Variants in CCDC88A observed in about 807,000 individuals in gnomAD.
The protein encoded by CCDC88A is girdin.
A neutral mutation model predicts 234.3 loss-of-function variants in CCDC88A; 54 were observed. The observed-to-expected ratio is 0.23, with a 90% CI of 0.19 to 0.29. The LOEUF is 0.29. Ranked by LOEUF, CCDC88A falls within the 10% of genes least tolerant of loss-of-function variation. The pLI, the probability that CCDC88A is intolerant of heterozygous loss-of-function variation, is 1.00. For synonymous variants in CCDC88A, 753 were observed against 737.8 expected (o/e 1.02, Z -0.33); for missense variants, 1,832 against 2,123.4 (o/e 0.86, Z 2.70).
In CCDC88A at chr2:55,297,340, T is replaced by TTATATATTATATAATATATATAA. The variant is rs1680221453; in HGVS notation, c.4826-818_4826-817insTTATATATATTATATAATATATA. Among the ~76,000 whole-genome samples the TTATATATTATATAATATATATAA allele has an allele frequency of 5.4e-5, 2 of 36,862 alleles. 1 individual carries two copies. Among genetic ancestry groups the TTATATATTATATAATATATATAA allele is most frequent in the Non-Finnish European group, 9.5e-5 (2 of 21,052 alleles). 24.2% of individuals were successfully genotyped at this position (36,862 alleles called of 152,430 possible). ...AATATATAATATATAATATATAAATTTATATATTATATATAAATATATATA... is the reference window on the plus strand; with the variant it reads ...AATATATAATATATAATATATAAATTTATATATTATATAATATATATAATATATATTATATATAAATATATATA... On this transcript the variant is annotated intron_variant, in intron 29 of 32. Transcript: ENST00000436346.
chr2:55,324,630 A>T (rs943593726), intron 17 of CCDC88A, among the ~76,000 whole-genome samples: 1 of 151,992 alleles, frequency 6.6e-6, no homozygotes, highest in Admixed American at 6.6e-5. Context: ...AGTAAAGAGA[A>T]GTAGCATTAT....
intron 2 of CCDC88A, chr2:55,397,311 T>G (rs530461429): frequency 1.3e-5 from 2 of 152,172 alleles, no homozygotes; most frequent in Non-Finnish European, 2.9e-5. Flanking sequence ...ACCAGGCTGG[T>G]CTCGAACTCC....
chr2:55,381,611 T>C (rs1378915488), intron 3 of CCDC88A, among the ~76,000 whole-genome samples: 1 of 152,054 alleles, frequency 6.6e-6, no homozygotes, highest in Non-Finnish European at 1.5e-5. Context: ...TACAAATTTT[T>C]GTGAGTTAAA....
In CCDC88A at chr2:55,369,490, C is replaced by G. The variant is rs532572850; in HGVS notation, c.402+2962G>C. ...TTTTTGAGATGAAGTCTTGCTCTGT[C>G]GCCCAGGCTAGAGTGCAGTGGAGCC... On this transcript the variant is annotated intron_variant, in intron 5 of 32. Coordinates refer to ENST00000436346, the MANE Select transcript of CCDC88A (RefSeq NM_001365480.1). Among the ~76,000 whole-genome samples the G allele has an allele frequency of 4.1e-5, 6 of 145,974 alleles. No individual in the cohort carries two copies. In the East Asian group the frequency reaches 1.2e-3, roughly 29 times the overall value.
chr2:55,340,989 C>T (rs1186852149), intron 12 of CCDC88A, among the ~76,000 whole-genome samples: 1 of 152,064 alleles, frequency 6.6e-6, no homozygotes, highest in African/African-American at 2.4e-5. Flanking sequence ...TGGTAACAAC[C>T]ATTTTATTCT....
At chr2:55,292,028 A>T (rs1679497661) in intron 31 of CCDC88A, 1 of 318,014 alleles carries the variant, frequency 3.1e-6, no homozygotes, top group African/African-American at 2.2e-5. Context: ...TCTTAGTGCC[A>T]GATAGCCTTA....
Position 55,309,990 on chromosome 2 carries a change from A to C in CCDC88A, c.4080-736T>G, listed in dbSNP as rs2920974. 0.52 allele frequency among the ~76,000 whole-genome samples: 78,688 copies of C among 151,990 alleles called. 21,594 individuals are homozygous for C. Among genetic ancestry groups the C allele is most frequent in the Admixed American group, 0.63 (9,567 of 15,254 alleles). On this transcript the variant is annotated intron_variant, in intron 23 of 32. Coordinates refer to ENST00000436346, the MANE Select transcript of CCDC88A (RefSeq NM_001365480.1). This position sits in a 1 kb window ranked among gnomAD's most constrained non-coding sequence, Gnocchi z 5.1. ...ACTGTGCAAGTACAACAGGAAGGTA[A>C]ATATATCCATCTTAGATCACGAAAT...
At chr2:55,376,954 C>A (rs1353701289) in intron 3 of CCDC88A, among the ~76,000 whole-genome samples, 2 of 152,090 alleles carry the variant, frequency 1.3e-5, no homozygotes, top group African/African-American at 4.8e-5. Flanking sequence ...CCTCAGCGTC[C>A]CGAGTAGCTG....
In CCDC88A at chr2:55,328,485, T is replaced by C; in HGVS notation, c.2856-50A>G. 7.6e-7 allele frequency: 1 copy of C among 1,309,034 alleles called. No homozygotes were observed. The highest frequency in any genetic ancestry group is 1.0e-6 in the Non-Finnish European group (1 of 972,960). The allele number at this position is 1,309,034 out of a possible 1,614,324, so 81.1% of individuals were successfully genotyped here. On this transcript the variant is annotated intron_variant, in intron 16 of 32. Transcript: ENST00000436346. The surrounding 1 kb of genome is among the most constrained non-coding windows in gnomAD (Gnocchi z 4.3). ...TTCATTATTGGAGGTCAGAAAATTA[T>C]TTTTAAAGATAATTTATGACCACAA...
At chr2:55,362,076 C>G (rs1671391286) in intron 7 of CCDC88A, 1 of 333,622 alleles carries the variant, frequency 3.0e-6, no homozygotes, top group East Asian at 4.9e-5. Context: ...GGAAGAAAAT[C>G]AGAATAATAC....
At chr2:55,370,340 T>A (rs1672629441) in intron 5 of CCDC88A, among the ~76,000 whole-genome samples, 1 of 151,960 alleles carries the variant, frequency 6.6e-6, no homozygotes, top group African/African-American at 2.4e-5. Flanking sequence ...ACCTATTCTC[T>A]CTTCATATGA....
chr2:55,390,070 T>C (rs1333905651), intron 2 of CCDC88A, among the ~76,000 whole-genome samples: 10 of 112,764 alleles, frequency 8.9e-5, no homozygotes, highest in African/African-American at 3.0e-4. Context: ...AGATAGAACA[T>C]TTCAAAGTTA....
intron 23 of CCDC88A, among the ~76,000 whole-genome samples, chr2:55,312,224 C>T (rs184195904): frequency 6.6e-6 from 1 of 152,196 alleles, no homozygotes; most frequent in Non-Finnish European, 1.5e-5. Flanking sequence ...ATTTGTATTT[C>T]TCACTTTAGA....
At chr2:55,296,666 C>G in intron 29 of CCDC88A, 143 bp from the exon 30 acceptor site, 1 of 749,192 alleles carries the variant, frequency 1.3e-6, no homozygotes, top group Non-Finnish European at 2.2e-6. Flanking sequence ...CTTAGTAAAC[C>G]ATGTCAATCT....
At chr2:55,326,330 T>C (rs1684260985) in intron 17 of CCDC88A, among the ~76,000 whole-genome samples, 1 of 152,134 alleles carries the variant, frequency 6.6e-6, no homozygotes, top group Non-Finnish European at 1.5e-5. Flanking sequence ...GATTTATTTT[T>C]TTATGAGTCC....
chr2:55,411,013 T>C (rs1250911251), intron 2 of CCDC88A, among the ~76,000 whole-genome samples: 3 of 152,184 alleles, frequency 2.0e-5, no homozygotes, highest in Non-Finnish European at 1.5e-5. Context: ...AAATATTAAA[T>C]GATTGATTCA....
At chr2:55,394,597 T>A (rs1677200952) in intron 2 of CCDC88A, 1 of 144,850 alleles carries the variant, frequency 6.9e-6, no homozygotes, top group Non-Finnish European at 1.5e-5. Flanking sequence ...GCACCTGTTG[T>A]TTCTTGACTT....
Position 55,287,893 on chromosome 2 carries a change from C to A in CCDC88A, c.*3307G>T. 1 of 152,326 alleles carries A rather than the reference C, an allele frequency of 6.6e-6. No homozygotes were observed. The highest frequency in any genetic ancestry group is 1.9e-4 in the East Asian group (1 of 5,198). The allele number at this position is 152,326 out of a possible 1,614,324, so 9.4% of individuals were successfully genotyped here. A position where few individuals can be genotyped will look rare whatever the true frequency, so the allele number is the denominator to read the frequency against. Reference sequence around the variant, plus strand: ...TATTTCTTTTTATATTAGTTTGATACGTGAATGTTAGTCCAACTTAATTTT... The same window carrying A: ...TATTTCTTTTTATATTAGTTTGATAAGTGAATGTTAGTCCAACTTAATTTT... On this transcript the variant is annotated 3_prime_UTR_variant, in exon 33 of 33. Coordinates refer to ENST00000436346, the MANE Select transcript of CCDC88A (RefSeq NM_001365480.1).
rs907948145 is a variant in CCDC88A at position 55,332,913 on chromosome 2, A to C, written c.2728-220T>G. ...GCTAATACTTTAAACAAAACCTTAA[A>C]AGGGAGTAGTAACTCTTTACTTGTG... is the stretch of plus-strand genomic sequence containing the variant. On this transcript the variant is annotated intron_variant, in intron 15 of 32. Transcript: ENST00000436346. This position sits in a 1 kb window ranked among gnomAD's most constrained non-coding sequence, Gnocchi z 4.5. Among the ~76,000 whole-genome samples, 7 of 152,208 alleles carry C rather than the reference A, an allele frequency of 4.6e-5. No homozygotes were observed. The highest frequency in any genetic ancestry group is 1.7e-4 in the African/African-American group (7 of 41,452).
Sources: allele counts gnomAD v4.1 joint callset (sites outside exome capture counted in the v4.1 genomes callset), GRCh38; gene constraint gnomAD v4.1.1; non-coding constraint Gnocchi (gnomAD v3.1); transcripts MANE v1.5; gene names NCBI Gene and HGNC (gene_info 2026-07-23, HGNC 2026-07-21).